The following SOX6 variants were observed in gnomAD, a reference collection of about 807,000 sequenced individuals.
The protein encoded by SOX6 is SRY-box transcription factor 6, also known as transcription factor SOX-6.
A neutral mutation model predicts 97.8 loss-of-function variants in SOX6; 11 were observed. The ratio of observed to expected loss-of-function variants is 0.11; its 90% confidence interval spans 0.07 to 0.19. The LOEUF (loss-of-function observed/expected upper bound fraction) is 0.19. Among genes scored for constraint, SOX6 ranks in the 10% least tolerant of loss-of-function variants. SOX6 has a pLI of 1.00. For missense variants in SOX6, 810 were observed against 1,039.5 expected (o/e 0.78, Z 3.04); for synonymous variants, 360 against 371.4 (o/e 0.97, Z 0.35).
At chr11:16,711,504 C>G (rs1311752530) in intron 3 of SOX6, among the ~76,000 whole-genome samples, 1 of 152,160 alleles carries the variant, frequency 6.6e-6, no homozygotes, top group Non-Finnish European at 1.5e-5. Context: ...GCCTGGACGA[C>G]AGAAGGAGAT....
intron 3 of SOX6, among the ~76,000 whole-genome samples, chr11:16,302,472 A>G (rs1199979825): frequency 6.6e-6 from 1 of 151,780 alleles, no homozygotes; most frequent in Non-Finnish European, 1.5e-5. Flanking sequence ...GCTTATCAAA[A>G]TCTAGCTCGA....
At chr11:15,983,200 C>T (rs912039345) in intron 15 of SOX6, among the ~76,000 whole-genome samples, 4 of 151,984 alleles carry the variant, frequency 2.6e-5, no homozygotes, top group East Asian at 1.9e-4. Context: ...CCCACACATA[C>T]ACACACACAT....
At chr11:16,169,724 A>T (rs1850981011) in intron 6 of SOX6, among the ~76,000 whole-genome samples, 1 of 152,126 alleles carries the variant, frequency 6.6e-6, no homozygotes, top group African/African-American at 2.4e-5. Flanking sequence ...CTTAGTAAAT[A>T]GTTTAAATTC....
At chr11:16,299,291 T>C (rs1483857831) in intron 3 of SOX6, among the ~76,000 whole-genome samples, 1 of 152,150 alleles carries the variant, frequency 6.6e-6, no homozygotes, top group African/African-American at 2.4e-5. Context: ...ATTAAGAAAA[T>C]GATGATAACA....
chr11:16,220,652 C>G (rs1381143308), intron 4 of SOX6, among the ~76,000 whole-genome samples: 1 of 151,930 alleles, frequency 6.6e-6, no homozygotes, highest in East Asian at 1.9e-4. Context: ...TATCCAAATT[C>G]TCTTGTTCCT....
At chr11:15,987,158 GTTT>G (rs775359274) in intron 14 of SOX6, among the ~76,000 whole-genome samples, 1 of 152,088 alleles carries the variant, frequency 6.6e-6, no homozygotes, top group Non-Finnish European at 1.5e-5. Context: ...GAGGGGATGT[GTTT>G]TTTTACATGT....
chr11:16,038,225 A>G (rs756106812), intron 12 of SOX6, among the ~76,000 whole-genome samples: 5 of 152,128 alleles, frequency 3.3e-5, no homozygotes, highest in Non-Finnish European at 5.9e-5. Flanking sequence ...TGGGATCTGC[A>G]GGGTAGGGAG....
intron 1 of SOX6, among the ~76,000 whole-genome samples, chr11:16,426,923 A>AC (rs1859151874): frequency 6.6e-6 from 1 of 150,386 alleles, no homozygotes; most frequent in Non-Finnish European, 1.5e-5. Flanking sequence ...CAAAAAAAAA[A>AC]AAAAAAAAAA....
In SOX6 at chr11:16,613,755, T is replaced by C. The variant is rs1194786136; in HGVS notation, n.430-1495A>G. On this transcript the variant is annotated intron_variant and non_coding_transcript_variant, in intron 3 of 5. Coordinates refer to the SOX6 transcript ENST00000524520. This position sits in a 1 kb window ranked among gnomAD's most constrained non-coding sequence, Gnocchi z 4.6. ...CCAGAGCATCGGGGAAACTAGACTG[T>C]TCCGTGGATGAACTGCGAGGATGCC... 6.6e-6 allele frequency among the ~76,000 whole-genome samples: 1 copy of C among 152,136 alleles called. No individual in the cohort carries two copies. Among genetic ancestry groups the C allele is most frequent in the Non-Finnish European group, 1.5e-5 (1 of 68,020 alleles).
intron 6 of SOX6, among the ~76,000 whole-genome samples, chr11:16,141,474 G>A (rs1008267509): frequency 6.6e-6 from 1 of 152,134 alleles, no homozygotes; most frequent in Non-Finnish European, 1.5e-5. Flanking sequence ...ATTTCCAACT[G>A]AGGTACCAGG....
chr11:16,119,196 C>G (rs569598309), intron 6 of SOX6, among the ~76,000 whole-genome samples: 1 of 152,124 alleles, frequency 6.6e-6, no homozygotes, highest in African/African-American at 2.4e-5. Flanking sequence ...AAAGGAAAAG[C>G]CTTCAAGGTC....
chr11:16,187,934 T>A (rs951502641), intron 4 of SOX6, among the ~76,000 whole-genome samples: 1 of 152,106 alleles, frequency 6.6e-6, no homozygotes, highest in Non-Finnish European at 1.5e-5. Context: ...TTCAGAAAAA[T>A]GCCACCAGCT....
At position 16,605,230 on chromosome 11, in the gene SOX6, G is replaced by A. The variant is rs1848321291; in HGVS notation, n.609+6851C>T. On this transcript the variant is annotated intron_variant and non_coding_transcript_variant, in intron 4 of 5. Coordinates refer to the SOX6 transcript ENST00000524520. The surrounding 1 kb of genome is among the most constrained non-coding windows in gnomAD (Gnocchi z 5.3). ...GGACGGAGGGCGCCGGCTGGGCTCA[G>A]GGACGCGGGGCGGGGAAGAAACGTG... Among the ~76,000 whole-genome samples the A allele has an allele frequency of 6.6e-6, 1 of 151,984 alleles. No individual in the cohort carries two copies. The highest frequency in any genetic ancestry group is 2.4e-5 in the African/African-American group (1 of 41,406).
At chr11:16,734,571 T>C (rs898715994) in intron 2 of SOX6, among the ~76,000 whole-genome samples, 3 of 152,180 alleles carry the variant, frequency 2.0e-5, no homozygotes, top group African/African-American at 7.2e-5. Flanking sequence ...CTCTCCTTGT[T>C]GACCCACCAC....
At chr11:16,611,590 C>T (rs898575098) in intron 4 of SOX6, among the ~76,000 whole-genome samples, 2 of 152,346 alleles carry the variant, frequency 1.3e-5, no homozygotes, top group East Asian at 1.9e-4. Flanking sequence ...AGCTGCCCAT[C>T]GCACTTCATT....
chr11:16,687,671 T>C (rs952494071), intron 3 of SOX6, among the ~76,000 whole-genome samples: 1 of 152,172 alleles, frequency 6.6e-6, no homozygotes, highest in African/African-American at 2.4e-5. Context: ...ATTTATAGGT[T>C]GACAGTTGTA....
intron 9 of SOX6, 145 bp downstream of exon 9, chr11:16,095,851 C>T (rs1196011736): frequency 1.1e-6 from 1 of 938,570 alleles, no homozygotes; most frequent in Non-Finnish European, 1.6e-6. Flanking sequence ...AAAGAAGAGC[C>T]TCCTTAGGAA....
chr11:16,339,639 T>C (rs1245360231), intron 2 of SOX6, among the ~76,000 whole-genome samples: 1 of 152,020 alleles, frequency 6.6e-6, no homozygotes, highest in Non-Finnish European at 1.5e-5. Context: ...TTATTTAATT[T>C]CTATTCCCTC....
At chr11:16,737,673 T>G (rs1270340082) in intron 1 of SOX6, among the ~76,000 whole-genome samples, 1 of 152,134 alleles carries the variant, frequency 6.6e-6, no homozygotes, top group Non-Finnish European at 1.5e-5. Flanking sequence ...AATAAATAGC[T>G]TTAAATGCAG....
Sources: allele counts gnomAD v4.1 joint callset (sites outside exome capture counted in the v4.1 genomes callset), GRCh38; gene constraint gnomAD v4.1.1; non-coding constraint Gnocchi (gnomAD v3.1); transcripts MANE v1.5; gene names NCBI Gene and HGNC (gene_info 2026-07-23, HGNC 2026-07-21).